RNF213: variants seen among roughly 807,000 people sequenced by gnomAD.
RNF213 encodes E3 ubiquitin-protein ligase RNF213.
RNF213 carries 341 observed loss-of-function variants against 514.4 expected under a neutral mutation model. That is an observed-to-expected ratio of 0.66 (90% CI 0.61 to 0.73). The LOEUF (loss-of-function observed/expected upper bound fraction) is 0.73, where lower values mean the gene tolerates loss of function less well. Among genes scored for constraint, RNF213 ranks in the 30% least tolerant of loss-of-function variants. The pLI, the probability that RNF213 is intolerant of heterozygous loss-of-function variation, is 0.00. For synonymous variants in RNF213, 2,655 were observed against 2,658.2 expected, an observed-to-expected ratio of 1.00 and a Z score of 0.04; for missense variants, 5,767 against 6,615.6, an observed-to-expected ratio of 0.87 and a Z score of 4.45.
At chr17:80,357,039 C>T (rs977018068) in intron 36 of RNF213, among the ~76,000 whole-genome samples, 2 of 151,930 alleles carry the variant, frequency 1.3e-5, no homozygotes, top group Non-Finnish European at 2.9e-5. Context: ...CCTGCTCAGC[C>T]TCCTGAGTAG....
In RNF213 at chr17:80,264,131, G is replaced by T. The variant is rs2043527075; in HGVS notation, c.97+353G>T. ...AGTTTTGTCGGGGTCTTTGCTGGAGGTTCCTGCTTTTGAAAATTTTCAGTT... is the reference window on the plus strand; with the variant it reads ...AGTTTTGTCGGGGTCTTTGCTGGAGTTTCCTGCTTTTGAAAATTTTCAGTT... On this transcript the variant is annotated intron_variant, in intron 2 of 67. Transcript: ENST00000582970. The surrounding 1 kb of genome is among the most constrained non-coding windows in gnomAD (Gnocchi z 5.0). 6.6e-6 allele frequency among the ~76,000 whole-genome samples: 1 copy of T among 152,208 alleles called. No individual in the cohort carries two copies. Among genetic ancestry groups the T allele is most frequent in the African/African-American group, 2.4e-5 (1 of 41,450 alleles).
intron 6 of RNF213, among the ~76,000 whole-genome samples, 159 bp from the exon 7 acceptor site, chr17:80,290,411 G>GCT (rs1239079382): frequency 2.9e-5 from 4 of 137,328 alleles, no homozygotes; most frequent in African/African-American, 1.2e-4. Context: ...GCTTGTGTGT[G>GCT]TGCGTGTGTG....
intron 2 of RNF213, among the ~76,000 whole-genome samples, chr17:80,265,198 C>T (rs1354622333): frequency 6.6e-6 from 1 of 152,070 alleles, no homozygotes; most frequent in African/African-American, 2.4e-5. Context: ...TGGTACCCAC[C>T]ACCACTCCCG....
chr17:80,343,225 C>T lies in RNF213; in HGVS notation c.6083C>T (p.Pro2028Leu), dbSNP rs144582733. 2.5e-6 allele frequency: 4 copies of T among 1,613,896 alleles called. No homozygotes were observed. The highest frequency in any genetic ancestry group is 2.7e-5 in the African/African-American group (2 of 74,906). The change falls in exon 27 of 68, where the codon CCT becomes CTT. Residue 2028 changes from proline to leucine, a missense_variant. By Grantham distance (98) the Pro-to-Leu change is moderately conservative. Transcript: ENST00000582970. This position sits in a 1 kb window ranked among gnomAD's most constrained non-coding sequence, Gnocchi z 4.3. The stretch of plus-strand genomic sequence containing the variant: ...CTGAAAACAATTCGACTGATCGACC[C>T]TCAGGTGGATGAGAGCCGAGTCCTG... ...VPLKTIRLID[P>L]QVDESRVLGA...
At position 80,346,903 on chromosome 17, in the gene RNF213, C is replaced by T. The variant is rs541469884; in HGVS notation, c.8568C>T (p.Pro2856=). Residue 2856 remains proline (P), a synonymous_variant, in exon 29 of 68, where the codon CCC becomes CCT. Transcript: ENST00000582970. This position sits in a 1 kb window ranked among gnomAD's most constrained non-coding sequence, Gnocchi z 8.1. ...VGLAEDSPKM[P]LKTLHPLLED... ...TGGCGGAAGACTCACCCAAAATGCC[C>T]CTGAAGACTCTGCACCCGCTGCTGG... The T allele has an allele frequency of 1.4e-5, 22 of 1,614,122 alleles. No homozygotes were observed. In the East Asian group the frequency reaches 4.7e-4, roughly 34 times the overall value.
intron 2 of RNF213, among the ~76,000 whole-genome samples, chr17:80,269,345 C>T (rs1451372089): frequency 2.6e-5 from 4 of 152,154 alleles, no homozygotes; most frequent in African/African-American, 9.7e-5. Context: ...GTCTATCCAT[C>T]CCTCTACCCT....
intron 22 of RNF213, 163 bp downstream of exon 22, chr17:80,334,433 T>TAG (rs1814804363): frequency 1.4e-6 from 1 of 706,072 alleles, no homozygotes; most frequent in Non-Finnish European, 2.3e-6. Flanking sequence ...GCACTGATCA[T>TAG]AGAGTTCACA....
chr17:80,284,679 G>A (rs926290791), intron 3 of RNF213, among the ~76,000 whole-genome samples: 21 of 152,254 alleles, frequency 1.4e-4, no homozygotes, highest in Middle Eastern at 3.4e-3. Flanking sequence ...TGGTGCAGGC[G>A]TCTCCGGCCC....
chr17:80,375,482 A>G (rs1176721326), intron 50 of RNF213, among the ~76,000 whole-genome samples: 1 of 152,058 alleles, frequency 6.6e-6, no homozygotes, highest in Non-Finnish European at 1.5e-5. Context: ...CATGCAGATC[A>G]CAAGGTCAGG....
intron 63 of RNF213, among the ~76,000 whole-genome samples, chr17:80,388,140 AT>A (rs1352091460): frequency 6.6e-6 from 1 of 151,628 alleles, no homozygotes; most frequent in Non-Finnish European, 1.5e-5. Flanking sequence ...ATTTTTTTGT[AT>A]TTTTAGTAGA....
At chr17:80,352,613 C>A (rs755830780) in intron 32 of RNF213, 1 of 584,038 alleles carries the variant, frequency 1.7e-6, no homozygotes, top group Non-Finnish European at 3.1e-6. Flanking sequence ...TGTCCCCCAC[C>A]CCTCACTAAC....
chr17:80,337,521 A>G, intron 23 of RNF213, 65 bp from the exon 24 acceptor site: 1 of 1,517,976 alleles, frequency 6.6e-7, no homozygotes. Flanking sequence ...GGCCGACCAC[A>G]GGAGGGAGAA....
chr17:80,355,730 C>T (rs1351248618), intron 36 of RNF213, among the ~76,000 whole-genome samples: 6 of 50,560 alleles, frequency 1.2e-4, no homozygotes, highest in South Asian at 6.9e-4. Context: ...GCGGGGTGGA[C>T]GGGAATGGGG....
At chr17:80,378,965 G>A (rs2079872000) in intron 54 of RNF213, among the ~76,000 whole-genome samples, 1 of 152,220 alleles carries the variant, frequency 6.6e-6, no homozygotes, top group South Asian at 2.1e-4. Context: ...CTAGATCCCA[G>A]GAGTTTGAGA....
chr17:80,313,086 G>T lies in RNF213; in HGVS notation c.2730G>T (p.Thr910=), dbSNP rs577169974. The T allele has an allele frequency of 1.8e-5, 29 of 1,614,112 alleles. No individual in the cohort carries two copies. In the South Asian group the frequency reaches 3.1e-4, roughly 17 times the overall value. Residue 910 remains threonine (T), a synonymous_variant, in exon 15 of 68, where the codon ACG becomes ACT. Transcript: ENST00000582970. ...QTVFQGTLAA[T]KRWLREVFTK... ...TCTTCCAAGGGACCCTTGCTGCTAC[G>T]AAAAGGTGGCTCCGAGAAGTTTTTA...
At chr17:80,374,848 C>A in intron 50 of RNF213, 1 of 488,394 alleles carries the variant, frequency 2.0e-6, no homozygotes, top group Non-Finnish European at 3.8e-6. Context: ...CCAAGTCCAT[C>A]AGCAGCGCCT....
rs115641751 is a variant in RNF213, at chr17:80,362,989, C to T, written c.11356-113C>T. The T allele has an allele frequency of 1.3e-3, 1,308 of 1,020,714 alleles. 8 individuals are homozygous for T. The African/African-American group carries it at 0.016, about 12-fold the overall frequency. The allele number at this position is 1,020,714 out of a possible 1,614,324, so 63.2% of individuals were successfully genotyped here. Reference sequence around the variant, plus strand: ...GAAGCAAACGGGACAGAATAGCACACATGGTTTCTAATTTCCTCTTTTATG... The same window carrying T: ...GAAGCAAACGGGACAGAATAGCACATATGGTTTCTAATTTCCTCTTTTATG... On this transcript the variant is annotated intron_variant, in intron 39 of 67. Coordinates refer to ENST00000582970, the MANE Select transcript of RNF213 (RefSeq NM_001256071.3).
intron 11 of RNF213, among the ~76,000 whole-genome samples, chr17:80,300,312 T>G (rs1194070037): frequency 6.6e-6 from 1 of 152,134 alleles, no homozygotes; most frequent in African/African-American, 2.4e-5. Flanking sequence ...TCACCCAGGC[T>G]GGAGTGCAGT....
At chr17:80,378,016 G>A (rs558151320) in intron 54 of RNF213, among the ~76,000 whole-genome samples, 2 of 152,336 alleles carry the variant, frequency 1.3e-5, no homozygotes, top group South Asian at 4.1e-4. Context: ...GCTCTGCGGC[G>A]TGGGCTGTCC....
Sources: allele counts gnomAD v4.1 joint callset (sites outside exome capture counted in the v4.1 genomes callset), GRCh38; gene constraint gnomAD v4.1.1; non-coding constraint Gnocchi (gnomAD v3.1); transcripts MANE v1.5; gene names NCBI Gene and HGNC (gene_info 2026-07-23, HGNC 2026-07-21).